The following BCAS4 variants were observed in gnomAD, a reference collection of about 807,000 sequenced individuals.
BCAS4 encodes the protein breast carcinoma-amplified sequence 4.
A neutral mutation model predicts 15.7 loss-of-function variants in BCAS4; 9 were observed. The observed-to-expected ratio is 0.57, with a 90% confidence interval of 0.34 to 1.00. BCAS4 has a LOEUF of 1.00. Ranked by LOEUF, BCAS4 falls within the 50% of genes least tolerant of loss-of-function variation. BCAS4 has a pLI of 0.02. For missense variants in BCAS4, 225 were observed against 239.1 expected (o/e 0.94, Z 0.39); for synonymous variants, 101 against 99.5 (o/e 1.02, Z -0.09).
intron 2 of BCAS4, among the ~76,000 whole-genome samples, chr20:50,819,014 C>T (rs1257432698): frequency 6.6e-6 from 1 of 152,044 alleles, no homozygotes; most frequent in Non-Finnish European, 1.5e-5. Context: ...GAAACCCTGC[C>T]TCTACCAAAA....
intron 4 of BCAS4, among the ~76,000 whole-genome samples, chr20:50,848,481 T>C (rs2123817186): frequency 6.6e-6 from 1 of 152,314 alleles, no homozygotes; most frequent in African/African-American, 2.4e-5. Flanking sequence ...GCTGCCTGCA[T>C]GAGCCAGGGC....
intron 2 of BCAS4, among the ~76,000 whole-genome samples, chr20:50,822,631 T>C (rs2088229619): frequency 1.3e-5 from 2 of 151,576 alleles, no homozygotes; most frequent in South Asian, 4.2e-4. Flanking sequence ...GGCAGTTTCT[T>C]ACAGGTTTTT....
intron 3 of BCAS4, among the ~76,000 whole-genome samples, chr20:50,833,849 G>A (rs1388226873): frequency 2.6e-5 from 4 of 152,196 alleles, no homozygotes; most frequent in Non-Finnish European, 5.9e-5. Flanking sequence ...AGGGAAGCAG[G>A]CCGGGTGGGG....
intron 4 of BCAS4, among the ~76,000 whole-genome samples, chr20:50,867,350 G>A (rs915732115): frequency 6.6e-6 from 1 of 152,094 alleles, no homozygotes; most frequent in Non-Finnish European, 1.5e-5. Flanking sequence ...GGCTTTTGTT[G>A]TTGTTGTTGT....
intron 1 of BCAS4, among the ~76,000 whole-genome samples, chr20:50,798,504 C>T (rs541767261): frequency 3.3e-5 from 5 of 152,126 alleles, no homozygotes; most frequent in Non-Finnish European, 5.9e-5. Flanking sequence ...GTGAGGCCCC[C>T]GTCTCTAGTT....
intron 2 of BCAS4, among the ~76,000 whole-genome samples, chr20:50,829,962 G>T (rs1189602713): frequency 1.3e-5 from 2 of 152,206 alleles, no homozygotes; most frequent in African/African-American, 4.8e-5. Flanking sequence ...AAGAGATTCT[G>T]ATTCTTTCCA....
intron 4 of BCAS4, among the ~76,000 whole-genome samples, chr20:50,847,283 C>T (rs1485744807): frequency 6.6e-6 from 1 of 151,736 alleles, no homozygotes; most frequent in Non-Finnish European, 1.5e-5. Context: ...GACGGAGTTT[C>T]GACACATTGG....
At chr20:50,875,978 G>A (rs940975425) in intron 4 of BCAS4, 3 of 456,022 alleles carry the variant, frequency 6.6e-6, no homozygotes, top group African/African-American at 2.0e-5. Flanking sequence ...CCGAGACATT[G>A]TCTCACTCTG....
At chr20:50,862,965 G>C (rs1197800973) in intron 4 of BCAS4, among the ~76,000 whole-genome samples, 1 of 152,136 alleles carries the variant, frequency 6.6e-6, no homozygotes, top group Non-Finnish European at 1.5e-5. Flanking sequence ...TGAGTAGCTA[G>C]AATTATAGGC....
intron 3 of BCAS4, among the ~76,000 whole-genome samples, chr20:50,831,418 AG>A (rs750445888): frequency 4.2e-4 from 64 of 152,014 alleles, no homozygotes; most frequent in African/African-American, 1.4e-3. Context: ...GTCTCAAAAA[AG>A]AAAAAAAAAT....
intron 2 of BCAS4, among the ~76,000 whole-genome samples, chr20:50,818,641 A>G (rs2088172177): frequency 6.6e-6 from 1 of 152,204 alleles, no homozygotes; most frequent in African/African-American, 2.4e-5. Context: ...TCAGCTCTGC[A>G]CCGTCCCCTG....
chr20:50,825,686 G>A (rs2088270495), intron 2 of BCAS4, among the ~76,000 whole-genome samples: 1 of 152,180 alleles, frequency 6.6e-6, no homozygotes, highest in African/African-American at 2.4e-5. Context: ...AGACCAGCCT[G>A]GCCAACATGG....
chr20:50,828,875 G>A (rs77318416), intron 2 of BCAS4, among the ~76,000 whole-genome samples: 3 of 152,266 alleles, frequency 2.0e-5, no homozygotes, highest in East Asian at 3.9e-4. Context: ...ACCACGGGGG[G>A]CACATCAGAA....
At chr20:50,869,826 G>A (rs748991046) in intron 4 of BCAS4, among the ~76,000 whole-genome samples, 1 of 142,558 alleles carries the variant, frequency 7.0e-6, no homozygotes, top group Non-Finnish European at 1.5e-5. Context: ...TCAGCTCGCT[G>A]CAACTTCTGC....
chr20:50,812,298 AATTTTTTGT>A (rs2088076413), intron 1 of BCAS4, among the ~76,000 whole-genome samples: 1 of 151,156 alleles, frequency 6.6e-6, no homozygotes, highest in African/African-American at 2.4e-5. Flanking sequence ...ACGCCCGGCT[AATTTTTTGT>A]ATTTTTTAGT....
At chr20:50,819,148 AC>A (rs1424354961) in intron 2 of BCAS4, among the ~76,000 whole-genome samples, 2 of 151,716 alleles carry the variant, frequency 1.3e-5, no homozygotes, top group African/African-American at 2.4e-5. Context: ...GCGCCACTGC[AC>A]TCCAGCCTGG....
intron 4 of BCAS4, among the ~76,000 whole-genome samples, chr20:50,850,786 C>G (rs1417153327): frequency 7.2e-6 from 1 of 139,412 alleles, no homozygotes; most frequent in African/African-American, 2.5e-5. Flanking sequence ...GTTTGAGTCT[C>G]CCCCCCGGTA....
chr20:50,861,834 C>T (rs1600897986), intron 4 of BCAS4, among the ~76,000 whole-genome samples: 6 of 137,278 alleles, frequency 4.4e-5, no homozygotes, highest in Admixed American at 1.5e-4. Context: ...TCTTTTCTTT[C>T]TTCTTCTTCT....
chr20:50,877,247 G>A (rs941248542), downstream of BCAS4: 2 of 152,278 alleles, frequency 1.3e-5, no homozygotes, highest in African/African-American at 4.8e-5. Context: ...TTTCTAGAAG[G>A]TTCCTCCTGT....
Sources: gnomAD v4.1 joint callset for allele counts (sites outside exome capture counted in the v4.1 genomes callset) on GRCh38, gnomAD v4.1.1 for gene constraint, MANE v1.5 for transcripts, NCBI Gene and HGNC (gene_info 2026-07-23, HGNC 2026-07-21) for gene names.